Variants in SLC8A1 observed in about 807,000 individuals in gnomAD.
The protein encoded by SLC8A1 is sodium/calcium exchanger 1.
A neutral mutation model predicts 68.3 loss-of-function variants in SLC8A1; 18 were observed. The ratio of observed to expected loss-of-function variants is 0.26; its 90% CI spans 0.18 to 0.39. The LOEUF is 0.39. Ranked by LOEUF, SLC8A1 falls within the 10% of genes least tolerant of loss-of-function variation. SLC8A1 has a pLI of 1.00. For missense variants in SLC8A1, 985 were observed against 1,156.7 expected (o/e 0.85, Z 2.15); for synonymous variants, 475 against 415.5 (o/e 1.14, Z -1.74).
intron 5 of SLC8A1, among the ~76,000 whole-genome samples, chr2:40,163,911 T>A (rs2046109968): frequency 6.6e-6 from 1 of 152,196 alleles, no homozygotes; most frequent in African/African-American, 2.4e-5. Context: ...TTATGAGAAG[T>A]CCAGATAAAA....
intron 2 of SLC8A1, among the ~76,000 whole-genome samples, chr2:40,185,032 G>A (rs2148612535): frequency 6.6e-6 from 1 of 152,150 alleles, no homozygotes; most frequent in East Asian, 1.9e-4. Context: ...AGCTATCAGG[G>A]AAATGGAAAT....
At chr2:40,429,187 C>A (rs777983552) in exon 2 of SLC8A1, 4 of 1,613,506 alleles carry the variant, frequency 2.5e-6, no homozygotes, top group Admixed American at 1.7e-5. Context: ...AGCTTGAATG[C>A]GATAAAATGC....
intron 2 of SLC8A1, among the ~76,000 whole-genome samples, chr2:40,224,706 G>C (rs2058754545): frequency 6.6e-6 from 1 of 152,070 alleles, no homozygotes; most frequent in Non-Finnish European, 1.5e-5. Context: ...ATTATTATCA[G>C]GCATAAAATT....
chr2:40,506,304 G>A (rs1350628425), intron 1 of SLC8A1, among the ~76,000 whole-genome samples: 1 of 151,658 alleles, frequency 6.6e-6, no homozygotes, highest in Admixed American at 6.6e-5. Flanking sequence ...CAGTAATTTG[G>A]GCATGGTAAC....
At chr2:40,211,379 TAGAC>T (rs2056555784) in intron 2 of SLC8A1, among the ~76,000 whole-genome samples, 1 of 152,198 alleles carries the variant, frequency 6.6e-6, no homozygotes, top group Admixed American at 6.5e-5. Flanking sequence ...GCTTTTCCAA[TAGAC>T]AGCTAAAAAT....
chr2:40,334,096 C>A (rs1010758718), intron 2 of SLC8A1, among the ~76,000 whole-genome samples: 1 of 152,092 alleles, frequency 6.6e-6, no homozygotes, highest in African/African-American at 2.4e-5. Flanking sequence ...TCATGTATAT[C>A]CATTTTGTTG....
intron 1 of SLC8A1, among the ~76,000 whole-genome samples, chr2:40,447,580 A>G (rs1471517616): frequency 8.7e-6 from 1 of 115,534 alleles, no homozygotes; most frequent in Non-Finnish European, 1.7e-5. Flanking sequence ...TGATAAACCA[A>G]TCCAAGTTAA....
intron 2 of SLC8A1, among the ~76,000 whole-genome samples, chr2:40,230,868 T>A (rs1574402418): frequency 6.6e-6 from 1 of 152,154 alleles, no homozygotes; most frequent in African/African-American, 2.4e-5. Context: ...TGGGAGGGAG[T>A]TCTCCACATG....
upstream of SLC8A1, among the ~76,000 whole-genome samples, chr2:40,456,602 A>G (rs1437103443): frequency 1.3e-5 from 2 of 152,184 alleles, no homozygotes; most frequent in Non-Finnish European, 2.9e-5. Flanking sequence ...TTAAATCTCA[A>G]TATCTTTGTT....
At chr2:40,252,284 C>CTGCATTTGCAAATATGTGTGCAGTT (rs2062882839) in intron 2 of SLC8A1, among the ~76,000 whole-genome samples, 5 of 151,964 alleles carry the variant, frequency 3.3e-5, no homozygotes, top group Non-Finnish European at 7.4e-5. Context: ...GCAGCTCTTT[C>CTGCATTTGCAAATATGTGTGCAGTT]TGCATTTGCA....
intron 2 of SLC8A1, among the ~76,000 whole-genome samples, chr2:40,416,532 A>T (rs963941287): frequency 7.9e-5 from 12 of 152,278 alleles, no homozygotes; most frequent in East Asian, 3.9e-4. Flanking sequence ...TTTTAAAAAA[A>T]TTTTTGCTTT....
At chr2:40,315,328 T>C (rs2074288919) in intron 2 of SLC8A1, among the ~76,000 whole-genome samples, 1 of 151,902 alleles carries the variant, frequency 6.6e-6, no homozygotes, top group Non-Finnish European at 1.5e-5. Context: ...TTATTATTAA[T>C]GCTGAATTGC....
chr2:40,316,398 C>T (rs1304112697), intron 2 of SLC8A1, among the ~76,000 whole-genome samples: 1 of 152,124 alleles, frequency 6.6e-6, no homozygotes, highest in South Asian at 2.1e-4. Flanking sequence ...AAAAAGCTTA[C>T]TGGAGGATTT....
chr2:40,275,611 G>A (rs114444581), intron 2 of SLC8A1, among the ~76,000 whole-genome samples: 233 of 152,264 alleles, frequency 1.5e-3, no homozygotes, highest in Non-Finnish European at 2.7e-3. Flanking sequence ...GGTTTTACAT[G>A]AGCTTGAGTA....
chr2:40,492,292 T>C (rs1705368896), intron 1 of SLC8A1, among the ~76,000 whole-genome samples: 1 of 152,182 alleles, frequency 6.6e-6, no homozygotes, highest in Non-Finnish European at 1.5e-5. Context: ...GCTAGCCATA[T>C]CTAGAAAGCT....
chr2:40,424,129 T>G (rs1228284390), intron 2 of SLC8A1, among the ~76,000 whole-genome samples: 1 of 151,976 alleles, frequency 6.6e-6, no homozygotes, highest in Non-Finnish European at 1.5e-5. Flanking sequence ...TTAAATTGTG[T>G]GCAGAAATTA....
At chr2:40,372,538 C>T (rs941773631) in intron 2 of SLC8A1, among the ~76,000 whole-genome samples, 1 of 152,132 alleles carries the variant, frequency 6.6e-6, no homozygotes, top group African/African-American at 2.4e-5. Flanking sequence ...GTGGGCTTGA[C>T]CGCCCCATGA....
At chr2:40,408,987 A>T (rs17039007) in intron 2 of SLC8A1, among the ~76,000 whole-genome samples, 8,116 of 152,238 alleles carry the variant, frequency 0.053, 576 homozygotes, top group African/African-American at 0.17. Flanking sequence ...GAATGAAAAA[A>T]GTTGTAACTA....
chr2:40,102,134 C>G (rs1017333662), exon 8 of SLC8A1: 1 of 152,086 alleles, frequency 6.6e-6, no homozygotes, highest in Non-Finnish European at 1.5e-5. Context: ...GAAGTTTAAT[C>G]AGTATATACA....
Sources: allele counts gnomAD v4.1 joint callset (sites outside exome capture counted in the v4.1 genomes callset), GRCh38; gene constraint gnomAD v4.1.1; transcripts MANE v1.5; gene names NCBI Gene and HGNC (gene_info 2026-07-23, HGNC 2026-07-21).